Variants in MADD observed in about 807,000 individuals in gnomAD.
The protein encoded by MADD is MAP kinase-activating death domain protein.
MADD carries 109 observed loss-of-function variants against 176.7 expected under a neutral mutation model. The ratio of observed to expected loss-of-function variants is 0.62; its 90% CI spans 0.53 to 0.72. The LOEUF is 0.72. Among genes scored for constraint, MADD ranks in the 30% least tolerant of loss-of-function variants. The pLI, the probability that MADD is intolerant of heterozygous loss-of-function variation, is 0.00. For synonymous variants in MADD, 771 were observed against 771.3 expected, an observed-to-expected ratio of 1.00 and a Z score of 0.01; for missense variants, 1,914 against 2,045.5, an observed-to-expected ratio of 0.94 and a Z score of 1.24.
At chr11:47,329,120 C>G (rs1595803223) in exon 33 of MADD, 2 of 1,614,150 alleles carry the variant, frequency 1.2e-6, no homozygotes, top group Non-Finnish European at 1.7e-6. Flanking sequence ...AGGAAGATCT[C>G]AGAACCCCGC....
chr11:47,321,413 TACTC>T (rs915368032), intron 27 of MADD, among the ~76,000 whole-genome samples: 10 of 152,210 alleles, frequency 6.6e-5, no homozygotes, highest in African/African-American at 2.4e-4. Context: ...GTGTGTTCCT[TACTC>T]ACTCACCTAA....
chr11:47,299,585 CTTTTTTTTTTTTT>C (rs1185948034), intron 22 of MADD, among the ~76,000 whole-genome samples: 2 of 41,516 alleles, frequency 4.8e-5, no homozygotes, highest in African/African-American at 1.1e-4. Flanking sequence ...GATTTTAGGG[CTTTTTTTTTTTTT>C]TTTTTTTTTT....
At chr11:47,328,155 A>G in intron 31 of MADD, 1 of 1,019,856 alleles carries the variant, frequency 9.8e-7, no homozygotes, top group Non-Finnish European at 1.2e-6. Context: ...ATCCAGCCTC[A>G]AGACCCTCTG....
At chr11:47,283,189 C>G (rs1398859592) in intron 10 of MADD, among the ~76,000 whole-genome samples, 2 of 152,028 alleles carry the variant, frequency 1.3e-5, no homozygotes, top group African/African-American at 4.8e-5. Flanking sequence ...CGCCTCCCGG[C>G]TTCATGCCAT....
Position 47,308,969 on chromosome 11 carries a change from C to A in MADD, c.3751+270C>A. 6.2e-7 allele frequency: 1 copy of A among 1,612,632 alleles called. No homozygotes were observed. Among genetic ancestry groups the A allele is most frequent in the South Asian group, 1.1e-5 (1 of 90,930 alleles). ...TTGCTACCATGGTCCTTCCTGCTCT[C>A]AAATTGGCAGGAAGGGACAAAGGAT... On this transcript the variant is annotated intron_variant, in intron 23 of 32. Transcript: ENST00000402192.
At chr11:47,298,084 G>A (rs1310388164) in intron 22 of MADD, among the ~76,000 whole-genome samples, 6 of 152,072 alleles carry the variant, frequency 3.9e-5, no homozygotes, top group Non-Finnish European at 7.4e-5. Flanking sequence ...CACCGCGCCC[G>A]GCCTTCTTTA....
chr11:47,301,453 A>G (rs939523382), intron 22 of MADD, among the ~76,000 whole-genome samples: 5 of 151,940 alleles, frequency 3.3e-5, no homozygotes, highest in East Asian at 3.9e-4. Context: ...TTCTGCTCTG[A>G]TCTTGATTAT....
At chr11:47,311,836 G>T in exon 26 of MADD, 5 of 1,611,524 alleles carry the variant, frequency 3.1e-6, no homozygotes, top group Non-Finnish European at 4.2e-6. Context: ...ATCAGCTGGC[G>T]AACCTGGTAA....
chr11:47,327,393 T>C, intron 31 of MADD: 1 of 985,368 alleles, frequency 1.0e-6, no homozygotes, highest in Non-Finnish European at 1.2e-6. Context: ...TGTTTGTGCT[T>C]CATTCTTTTG....
At chr11:47,316,320 A>T (rs2092913457) in intron 27 of MADD, among the ~76,000 whole-genome samples, 1 of 148,998 alleles carries the variant, frequency 6.7e-6, no homozygotes, top group Non-Finnish European at 1.5e-5. Flanking sequence ...TCACCCCTTC[A>T]TCCTATAGAC....
chr11:47,290,449 A>G (rs2064172613), intron 18 of MADD, 150 bp downstream of exon 19: 2 of 1,285,314 alleles, frequency 1.6e-6, no homozygotes, highest in Non-Finnish European at 2.1e-6. Flanking sequence ...GCATGTTTAT[A>G]CGCAGTGGGT....
At chr11:47,303,097 T>C (rs2079209782) in intron 22 of MADD, among the ~76,000 whole-genome samples, 2 of 152,192 alleles carry the variant, frequency 1.3e-5, no homozygotes, top group African/African-American at 2.4e-5. Flanking sequence ...TTGCTGGGTA[T>C]AGTATTCTTG....
chr11:47,326,995 A>C, intron 31 of MADD, 188 bp downstream of exon 35: 1 of 1,356,732 alleles, frequency 7.4e-7, no homozygotes, highest in Non-Finnish European at 9.5e-7. Context: ...AAGATAGATA[A>C]TGGATCGCAG....
At chr11:47,297,336 G>A (rs2073353416) in intron 22 of MADD, among the ~76,000 whole-genome samples, 1 of 152,156 alleles carries the variant, frequency 6.6e-6, no homozygotes, top group Admixed American at 6.5e-5. Flanking sequence ...GGACTGAGAG[G>A]CTACTCAAGT....
chr11:47,282,323 G>T, intron 8 of MADD, 58 bp from the exon 9 acceptor site: 3 of 1,435,532 alleles, frequency 2.1e-6, no homozygotes, highest in Non-Finnish European at 2.9e-6. Flanking sequence ...CTAAGACTTT[G>T]GATCATGGGA....
chr11:47,328,340 T>A, intron 31 of MADD: 2 of 1,281,678 alleles, frequency 1.6e-6, no homozygotes, highest in African/African-American at 3.0e-5. Context: ...ACAGTAGCTG[T>A]GACCAGGCTG....
intron 27 of MADD, among the ~76,000 whole-genome samples, chr11:47,318,108 G>A (rs1020396171): frequency 2.0e-5 from 3 of 152,008 alleles, no homozygotes; most frequent in East Asian, 1.9e-4. Flanking sequence ...TTTCTTTTAC[G>A]GCTTCTGGAT....
chr11:47,288,728 C>A (rs975696143), intron 15 of MADD, among the ~76,000 whole-genome samples: 3 of 152,156 alleles, frequency 2.0e-5, no homozygotes, highest in Admixed American at 2.0e-4. Context: ...TACCTGAAGG[C>A]TCCCTGTGTC....
At chr11:47,274,044 T>G in intron 2 of MADD, 68 bp downstream of exon 2, 1 of 1,398,630 alleles carries the variant, frequency 7.1e-7, no homozygotes, top group East Asian at 2.3e-5. Context: ...GTTGTTCCCT[T>G]CTCCGATTTC....
Sources: allele counts gnomAD v4.1 joint callset (sites outside exome capture counted in the v4.1 genomes callset), GRCh38; gene constraint gnomAD v4.1.1; transcripts MANE v1.5; gene names NCBI Gene and HGNC (gene_info 2026-07-23, HGNC 2026-07-21).